The following ARHGEF10 variants were observed in gnomAD, a reference collection of about 807,000 sequenced individuals.
ARHGEF10 encodes Rho guanine nucleotide exchange factor (GEF) 10.
ARHGEF10 carries 140 observed loss-of-function variants against 147.4 expected under a neutral mutation model. The observed-to-expected ratio is 0.95, with a 90% CI of 0.83 to 1.09. The LOEUF is 1.09. ARHGEF10 is among the 50% of genes least tolerant of loss of function. ARHGEF10 has a pLI of 0.00. For missense variants in ARHGEF10, 2,222 were observed against 1,752.7 expected (o/e 1.27, Z -4.78); for synonymous variants, 902 against 695.8 (o/e 1.30, Z -4.67).
chr8:1,910,517 C>T (rs1330872455), intron 18 of ARHGEF10, among the ~76,000 whole-genome samples: 2 of 152,072 alleles, frequency 1.3e-5, no homozygotes, highest in African/African-American at 2.4e-5. Context: ...AAGTGGTATG[C>T]GTCTGTATCA....
At chr8:1,833,067 GAC>G (rs1803323013) in intron 1 of ARHGEF10, among the ~76,000 whole-genome samples, 1 of 109,956 alleles carries the variant, frequency 9.1e-6, no homozygotes, top group African/African-American at 3.5e-5. Flanking sequence ...GAGAGACAGA[GAC>G]AGAGGCAGAG....
At chr8:1,823,791 T>C (rs913053930), upstream of ARHGEF10, among the ~76,000 whole-genome samples, 1 of 151,364 alleles carries the variant, frequency 6.6e-6, no homozygotes, top group African/African-American at 2.4e-5. Context: ...GGCGGCCACG[T>C]GGCCTCGAAG....
intron 17 of ARHGEF10, among the ~76,000 whole-genome samples, chr8:1,908,178 A>C (rs879268872): frequency 5.1e-4 from 77 of 151,186 alleles, no homozygotes; most frequent in Admixed American, 4.7e-3. Flanking sequence ...TCAGGTGCTC[A>C]GTCCAATGCA....
intron 1 of ARHGEF10, among the ~76,000 whole-genome samples, chr8:1,840,919 C>T (rs553407830): frequency 5.3e-5 from 8 of 152,276 alleles, no homozygotes; most frequent in East Asian, 3.9e-4. Context: ...GGCCGGCACT[C>T]GGACCCTGTC....
chr8:1,931,809 C>A (rs1357717385), intron 25 of ARHGEF10, among the ~76,000 whole-genome samples: 2 of 152,344 alleles, frequency 1.3e-5, no homozygotes, highest in South Asian at 2.1e-4. Flanking sequence ...ATTTGGGATC[C>A]TGCTGAGGGC....
At chr8:1,833,326 A>ACAGAGACAGAGG (rs1180518115) in intron 1 of ARHGEF10, among the ~76,000 whole-genome samples, 53 of 82,012 alleles carry the variant, frequency 6.5e-4, no homozygotes, top group African/African-American at 2.1e-3. Context: ...GCAGAGGGAG[A>ACAGAGACAGAGG]CAGAGACAGA....
chr8:1,866,856 G>A (rs1806666162), intron 6 of ARHGEF10, among the ~76,000 whole-genome samples: 1 of 152,132 alleles, frequency 6.6e-6, no homozygotes, highest in South Asian at 2.1e-4. Context: ...TTCTAGCACA[G>A]GCTTTATTAT....
In ARHGEF10 at chr8:1,928,455, A is replaced by T; in HGVS notation, c.2726A>T (p.Gln909Leu). Residue 909 changes from glutamine (Q) to leucine (L), a missense_variant, in exon 24 of 29, where the codon CAG (glutamine) becomes CTG (leucine). By Grantham distance (113) the Gln-to-Leu change is moderately radical (BLOSUM62 -2). Coordinates refer to ENST00000349830, the MANE Select transcript of ARHGEF10 (RefSeq NM_014629.4). ...GGAAGTTGCACCCATCAAATGGGTC[A>T]GATTGCCATCGTCTCGTTTCAAAAT... ...WIGSCTHQMG[Q>L]IAIVSFQNST... The T allele has an allele frequency of 6.2e-7, 1 of 1,614,184 alleles. No individual in the cohort carries two copies. The highest frequency in any genetic ancestry group is 8.5e-7 in the Non-Finnish European group (1 of 1,180,024).
chr8:1,848,702 A>G (rs1213983835), intron 2 of ARHGEF10, among the ~76,000 whole-genome samples: 3 of 152,358 alleles, frequency 2.0e-5, no homozygotes, highest in Non-Finnish European at 4.4e-5. Context: ...AAGTCACGAA[A>G]AAGAAAATAC....
At chr8:1,823,844 A>G (rs1341816577), upstream of ARHGEF10, 4 of 151,778 alleles carry the variant, frequency 2.6e-5, no homozygotes, top group Admixed American at 6.6e-5. Context: ...AGAAACCGGC[A>G]GGCTCTGCGG....
intron 26 of ARHGEF10, among the ~76,000 whole-genome samples, chr8:1,939,827 A>T (rs1813935193): frequency 6.6e-6 from 1 of 152,204 alleles, no homozygotes; most frequent in South Asian, 2.1e-4. Context: ...GGGGGGAAGC[A>T]TGGGCAGTGC....
intron 25 of ARHGEF10, among the ~76,000 whole-genome samples, chr8:1,930,195 A>G (rs1813011814): frequency 6.6e-6 from 1 of 151,676 alleles, no homozygotes; most frequent in African/African-American, 2.4e-5. Flanking sequence ...CGGTGCTGCC[A>G]TCCTGGAGTG....
rs750156802 is a variant in ARHGEF10 at position 1,945,694 on chromosome 8, C to G, written c.3397+39C>G. The G allele has an allele frequency of 5.0e-6, 8 of 1,612,260 alleles. No homozygotes were observed. The East Asian group carries it at 1.3e-4, about 27-fold the overall frequency. ...ACGGGGCCCAGGGATGGGACAGCAA[C>G]CGGGGACGGACGTGGGGGGTGCGGA... On this transcript the variant is annotated intron_variant, in intron 27 of 28. Coordinates refer to ENST00000349830, the MANE Select transcript of ARHGEF10 (RefSeq NM_014629.4).
chr8:1,932,507 T>A (rs1301805381), intron 25 of ARHGEF10, among the ~76,000 whole-genome samples: 6 of 151,880 alleles, frequency 4.0e-5, no homozygotes, highest in Non-Finnish European at 4.4e-5. Flanking sequence ...GCATATGGCA[T>A]GTGCACGTGT....
chr8:1,930,622 G>A (rs977960205), intron 25 of ARHGEF10, among the ~76,000 whole-genome samples: 1 of 152,080 alleles, frequency 6.6e-6, no homozygotes, highest in Non-Finnish European at 1.5e-5. Context: ...TCTGCTCTGA[G>A]TGCTGCTATT....
chr8:1,900,830 T>C (rs913632170), intron 15 of ARHGEF10, among the ~76,000 whole-genome samples: 1 of 152,066 alleles, frequency 6.6e-6, no homozygotes, highest in Non-Finnish European at 1.5e-5. Context: ...TGCACACAGC[T>C]CTCCCCGTCC....
At chr8:1,934,706 C>G (rs945356182) in intron 26 of ARHGEF10, among the ~76,000 whole-genome samples, 31 of 152,164 alleles carry the variant, frequency 2.0e-4, no homozygotes, top group African/African-American at 6.3e-4. Context: ...ATGGATGGGA[C>G]TTTCACCATG....
At chr8:1,855,504 T>G (rs886473206) in intron 2 of ARHGEF10, among the ~76,000 whole-genome samples, 10 of 152,052 alleles carry the variant, frequency 6.6e-5, no homozygotes, top group Non-Finnish European at 1.2e-4. Context: ...ACCTCAGCCT[T>G]CGGAGTAGGT....
intron 10 of ARHGEF10, among the ~76,000 whole-genome samples, chr8:1,883,803 A>G (rs1808417806): frequency 6.6e-6 from 1 of 152,182 alleles, no homozygotes; most frequent in Non-Finnish European, 1.5e-5. Context: ...AAGCACAGGC[A>G]GCTCTGTCCA....
Sources: allele counts gnomAD v4.1 joint callset (sites outside exome capture counted in the v4.1 genomes callset), GRCh38; gene constraint gnomAD v4.1.1; transcripts MANE v1.5; gene names NCBI Gene and HGNC (gene_info 2026-07-23, HGNC 2026-07-21).